The following PHTF2 variants were observed in gnomAD, a reference collection of about 807,000 sequenced individuals.
PHTF2 encodes the protein protein PHTF2.
Under a neutral mutation model 101.2 loss-of-function variants are expected in PHTF2, and 60 were observed. The ratio of observed to expected loss-of-function variants is 0.59; its 90% confidence interval spans 0.48 to 0.73. The LOEUF is 0.73. Among genes scored for constraint, PHTF2 ranks in the 30% least tolerant of loss-of-function variants. The pLI is 0.00. For missense variants in PHTF2, 747 were observed against 908.7 expected (o/e 0.82, Z 2.29); for synonymous variants, 311 against 307.3 (o/e 1.01, Z -0.13).
chr7:77,939,910 TACTC>T, intron 13 of PHTF2, 116 bp from the exon 13 acceptor site: 1 of 691,762 alleles, frequency 1.4e-6, no homozygotes, highest in South Asian at 2.5e-5. Context: ...GGATTCAAAT[TACTC>T]AGAATGAGTA....
At chr7:77,951,754 G>A in intron 18 of PHTF2, 42 bp downstream of exon 17, 3 of 799,558 alleles carry the variant, frequency 3.8e-6, no homozygotes, top group Non-Finnish European at 6.0e-6. Flanking sequence ...CAAATATGCT[G>A]TTCTGACATA....
chr7:77,814,740 G>A (rs965767591), intron 1 of PHTF2, among the ~76,000 whole-genome samples: 3 of 151,762 alleles, frequency 2.0e-5, no homozygotes, highest in Non-Finnish European at 1.5e-5. Flanking sequence ...TCAATCTCCT[G>A]ACCTCGTGAG....
intron 2 of PHTF2, among the ~76,000 whole-genome samples, chr7:77,851,929 A>G (rs1206116536): frequency 6.6e-6 from 1 of 152,044 alleles, no homozygotes; most frequent in Non-Finnish European, 1.5e-5. Flanking sequence ...TATTTGTTTC[A>G]ATAATTTTTT....
At chr7:77,862,646 A>G (rs115887505) in intron 3 of PHTF2, among the ~76,000 whole-genome samples, 1,866 of 152,302 alleles carry the variant, frequency 0.012, 38 homozygotes, top group African/African-American at 0.042. Context: ...GGAAAGAAAA[A>G]TATTTTATGA....
intron 11 of PHTF2, among the ~76,000 whole-genome samples, chr7:77,925,153 G>A (rs1803841338): frequency 6.6e-6 from 1 of 152,150 alleles, no homozygotes; most frequent in South Asian, 2.1e-4. Context: ...CTTGGAGTTA[G>A]ATTATTAAAA....
chr7:77,895,486 CTT>C (rs906196566), intron 5 of PHTF2, among the ~76,000 whole-genome samples: 13 of 152,176 alleles, frequency 8.5e-5, no homozygotes, highest in African/African-American at 2.6e-4. Context: ...CTTTTATCCT[CTT>C]TGACAGTTAG....
chr7:77,805,913 G>A (rs1053990027), intron 1 of PHTF2, among the ~76,000 whole-genome samples: 5 of 152,224 alleles, frequency 3.3e-5, no homozygotes, highest in African/African-American at 9.6e-5. Context: ...AGTGGCTTAC[G>A]CCTGTAATCC....
At chr7:77,880,218 A>G (rs2150746983) in intron 3 of PHTF2, among the ~76,000 whole-genome samples, 1 of 152,300 alleles carries the variant, frequency 6.6e-6, no homozygotes, top group South Asian at 2.1e-4. Context: ...GTATGCCATA[A>G]TGTATTTATT....
At chr7:77,877,918 G>T (rs1057356695) in intron 3 of PHTF2, among the ~76,000 whole-genome samples, 9 of 152,162 alleles carry the variant, frequency 5.9e-5, no homozygotes, top group Non-Finnish European at 1.2e-4. Flanking sequence ...CACTTGAGTT[G>T]TGTGTCTGGC....
chr7:77,895,088 A>T, intron 5 of PHTF2: 1 of 448,076 alleles, frequency 2.2e-6, no homozygotes, highest in East Asian at 7.0e-5. Flanking sequence ...GGATGATAGG[A>T]AATACTGGAA....
chr7:77,851,686 G>T (rs1796777735), intron 2 of PHTF2, among the ~76,000 whole-genome samples: 1 of 150,812 alleles, frequency 6.6e-6, no homozygotes, highest in Admixed American at 6.6e-5. Flanking sequence ...GGCTGCCTTG[G>T]CCTCCCAAAG....
intron 2 of PHTF2, among the ~76,000 whole-genome samples, chr7:77,846,667 C>G (rs1280600326): frequency 6.7e-6 from 1 of 148,592 alleles, no homozygotes; most frequent in African/African-American, 2.5e-5. Flanking sequence ...CTCTTCCTGC[C>G]TATCTCGCTC....
chr7:77,945,645 A>T (rs1805990608), intron 16 of PHTF2, among the ~76,000 whole-genome samples: 2 of 152,318 alleles, frequency 1.3e-5, no homozygotes, highest in South Asian at 4.1e-4. Flanking sequence ...ATTAAACTGT[A>T]AACAGTTTAA....
intron 3 of PHTF2, among the ~76,000 whole-genome samples, chr7:77,888,411 C>T (rs539594933): frequency 3.9e-5 from 6 of 152,282 alleles, no homozygotes; most frequent in Non-Finnish European, 8.8e-5. Flanking sequence ...CCGCTGCGCC[C>T]GGCCTAGAAT....
rs189041617 is a variant in PHTF2 at position 77,940,360 on chromosome 7, G to T, written c.1740+58G>T. The T allele has an allele frequency of 1.3e-4, 191 of 1,445,952 alleles. No homozygotes were observed. In the African/African-American group the frequency reaches 2.4e-3, roughly 18 times the overall value. 89.6% of individuals were successfully genotyped at this position (1,445,952 alleles called of 1,614,324 possible). ...TTTTATCGTTTTCATAATATTAAAA[G>T]TATTCCTGAAGTACTTTATTATTTC... is the stretch of plus-strand genomic sequence containing the variant. On this transcript the variant is annotated intron_variant, in intron 14 of 19. Coordinates refer to ENST00000416283, the Ensembl canonical transcript of PHTF2.
chr7:77,929,075 A>T, intron 11 of PHTF2, 34 bp from the exon 11 acceptor site: 3 of 1,490,986 alleles, frequency 2.0e-6, no homozygotes, highest in Non-Finnish European at 2.8e-6. Context: ...GAGTACATAA[A>T]TTGTATTAAT....
intron 2 of PHTF2, among the ~76,000 whole-genome samples, chr7:77,843,929 T>C (rs1473853994): frequency 1.3e-5 from 2 of 152,212 alleles, no homozygotes; most frequent in African/African-American, 4.8e-5. Context: ...TTATACTGAG[T>C]AGTATCCTTG....
intron 19 of PHTF2, among the ~76,000 whole-genome samples, chr7:77,954,608 C>T (rs1359426646): frequency 9.0e-5 from 9 of 99,876 alleles, no homozygotes; most frequent in African/African-American, 4.2e-5. Flanking sequence ...TAAACAAGTA[C>T]TGTGTATATA....
chr7:77,826,788 A>G (rs1020800958), intron 1 of PHTF2, among the ~76,000 whole-genome samples: 2 of 152,232 alleles, frequency 1.3e-5, no homozygotes, highest in Non-Finnish European at 2.9e-5. Context: ...ATGCCAACCA[A>G]GTGGTTAATC....
Sources: allele counts gnomAD v4.1 joint callset (sites outside exome capture counted in the v4.1 genomes callset), GRCh38; gene constraint gnomAD v4.1.1; transcripts MANE v1.5; gene names NCBI Gene and HGNC (gene_info 2026-07-23, HGNC 2026-07-21).